NCAN: variants seen among roughly 807,000 people sequenced by gnomAD.
The protein encoded by NCAN is neurocan core protein.
In NCAN, 47 loss-of-function variants were observed where a neutral mutation model predicts 121.8. That is an observed-to-expected ratio of 0.39 (90% CI 0.31 to 0.49). The LOEUF is 0.49. Among genes scored for constraint, NCAN ranks in the 20% least tolerant of loss-of-function variants. The probability of loss-of-function intolerance (pLI) is 0.92; values close to 1 mark genes in which losing one functional copy is unlikely to be tolerated. For synonymous variants in NCAN, 633 were observed against 702.0 expected, an observed-to-expected ratio of 0.90 and a Z score of 1.55; for missense variants, 1,517 against 1,773.4, an observed-to-expected ratio of 0.86 and a Z score of 2.60.
Position 19,225,366 on chromosome 19 carries a change from G to GA in NCAN, c.1072+98dup. ...CGCCAAGCCAAGGGAGAGACACATG[G>GA]AAGCTCGCTTTGTGATAAGCCACAT... On this transcript the variant is annotated intron_variant, in intron 6 of 14. Coordinates refer to ENST00000252575, the MANE Select transcript of NCAN (RefSeq NM_004386.3). This position sits in a 1 kb window ranked among gnomAD's most constrained non-coding sequence, Gnocchi z 4.0. The GA allele has an allele frequency of 7.3e-7, 1 of 1,368,358 alleles. No homozygotes were observed. The highest frequency in any genetic ancestry group is 9.5e-7 in the Non-Finnish European group (1 of 1,055,038). The allele number at this position is 1,368,358 out of a possible 1,614,324, so 84.8% of individuals were successfully genotyped here.
rs966385383 is a variant in NCAN, at chr19:19,225,059, G to A, written c.861G>A (p.Leu287=). ...RAQCRRQGAA[L]ASVGQLHLAW... is the part of the protein sequence containing the mutation. ...AGTGCCGCCGCCAGGGTGCCGCGCT[G>A]GCCTCGGTGGGACAGCTGCACCTGG... The change falls in exon 6 of 15, where the codon CTG becomes CTA. Residue 287 remains leucine (L), a synonymous_variant. Transcript: ENST00000252575. This position sits in a 1 kb window ranked among gnomAD's most constrained non-coding sequence, Gnocchi z 4.0. 6.6e-7 allele frequency: 1 copy of A among 1,519,168 alleles called. No homozygotes were observed. The highest frequency in any genetic ancestry group is 8.8e-7 in the Non-Finnish European group (1 of 1,141,398). The allele number at this position is 1,519,168 out of a possible 1,614,324, so 94.1% of individuals were successfully genotyped here. A position where few individuals can be genotyped will look rare whatever the true frequency, so the allele number is the denominator to read the frequency against.
chr19:19,232,524 A>G (rs1434089023), intron 8 of NCAN, among the ~76,000 whole-genome samples: 1 of 152,226 alleles, frequency 6.6e-6, no homozygotes, highest in Non-Finnish European at 1.5e-5. Context: ...GGCCTCAGCT[A>G]CCGCAGGAGG....
intron 13 of NCAN, among the ~76,000 whole-genome samples, chr19:19,247,322 C>T (rs1380773404): frequency 2.0e-5 from 3 of 152,154 alleles, no homozygotes; most frequent in East Asian, 1.9e-4. Flanking sequence ...GGCGCAATCT[C>T]GGCTCACTAC....
intron 13 of NCAN, among the ~76,000 whole-genome samples, chr19:19,248,077 G>T (rs2060931540): frequency 6.6e-6 from 1 of 152,146 alleles, no homozygotes; most frequent in Admixed American, 6.5e-5. Context: ...GAGCCTGGGA[G>T]GTTGAGGCTG....
In NCAN at chr19:19,228,642, G is replaced by T; in HGVS notation, c.3019+3G>T. 6.2e-7 allele frequency: 1 copy of T among 1,605,052 alleles called. No homozygotes were observed. The highest frequency in any genetic ancestry group is 1.1e-5 in the South Asian group (1 of 90,366). On this transcript the variant is annotated splice_donor_region_variant and intron_variant, in intron 8 of 14. Transcript: ENST00000252575. ...TATGAATGCAGGTGCGGAGGAGGGT[G>T]AGTACAAAGTCCCGGGGCTCTGTCC... is the stretch of plus-strand genomic sequence containing the variant.
At chr19:19,249,056 T>C in intron 14 of NCAN, 174 bp downstream of exon 14, 1 of 564,424 alleles carries the variant, frequency 1.8e-6, no homozygotes. Context: ...TGTGTGTGTG[T>C]GTGTGTGTGT....
chr19:19,232,590 C>G (rs2060864457), intron 8 of NCAN, among the ~76,000 whole-genome samples: 1 of 152,244 alleles, frequency 6.6e-6, no homozygotes, highest in Admixed American at 6.5e-5. Context: ...TATTCTGTCC[C>G]AGACCATATG....
At chr19:19,240,902 G>C (rs1455755871) in intron 12 of NCAN, among the ~76,000 whole-genome samples, 1 of 152,198 alleles carries the variant, frequency 6.6e-6, no homozygotes, top group African/African-American at 2.4e-5. Flanking sequence ...CGAAGCTGCA[G>C]AGGTTACAAA....
intron 8 of NCAN, among the ~76,000 whole-genome samples, chr19:19,230,869 A>G (rs1173621803): frequency 1.4e-5 from 2 of 142,952 alleles, no homozygotes; most frequent in South Asian, 2.3e-4. Flanking sequence ...CAGGCATGCA[A>G]CCACCACACC....
chr19:19,233,117 A>C (rs2060866900), intron 8 of NCAN, among the ~76,000 whole-genome samples: 1 of 152,114 alleles, frequency 6.6e-6, no homozygotes, highest in Non-Finnish European at 1.5e-5. Context: ...TATTTTTAGT[A>C]GAGATGGGGT....
At chr19:19,238,922 A>T (rs1158181187) in intron 11 of NCAN, 1 of 182,132 alleles carries the variant, frequency 5.5e-6, no homozygotes, top group Non-Finnish European at 1.2e-5. Flanking sequence ...GGACTTATTG[A>T]TTTATTCATT....
rs780991995 is a variant in NCAN at position 19,228,512 on chromosome 19, G to A, written c.2892G>A (p.Leu964=). Residue 964 remains leucine (L), a synonymous_variant, in exon 8 of 15, where the codon CTG becomes CTA. Transcript: ENST00000252575. ...CCAGCACCCTGCTGCCTGTCACCCTGGGCATAGAGGACTTCGAACTGGAGG... is the reference window on the plus strand; with the variant it reads ...CCAGCACCCTGCTGCCTGTCACCCTAGGCATAGAGGACTTCGAACTGGAGG... ...DPSSTLLPVT[L]GIEDFELEVL... is the part of the protein sequence containing the mutation. 6.2e-7 allele frequency: 1 copy of A among 1,613,460 alleles called. No individual in the cohort carries two copies. Among genetic ancestry groups the A allele is most frequent in the Admixed American group, 1.7e-5 (1 of 60,028 alleles).
At chr19:19,247,750 G>A (rs1282068410) in intron 13 of NCAN, among the ~76,000 whole-genome samples, 1 of 152,164 alleles carries the variant, frequency 6.6e-6, no homozygotes, top group Non-Finnish European at 1.5e-5. Flanking sequence ...TGTGCCCTAT[G>A]TTTGGTGTAA....
intron 2 of NCAN, 88 bp downstream of exon 2, chr19:19,217,114 G>T: frequency 1.0e-6 from 1 of 960,354 alleles, no homozygotes. Context: ...TTCTCCTGCT[G>T]GTCTCCTGGC....
Position 19,227,461 on chromosome 19 carries a change from C to T in NCAN, c.1841C>T (p.Pro614Leu), listed in dbSNP as rs983682959. Reference protein sequence around the residue: ...WSPLEATVSAPSPAPWEAFPV... With the variant: ...WSPLEATVSALSPAPWEAFPV... ...CCCTTGGAGGCCACTGTCTCAGCTC[C>T]CAGCCCTGCCCCCTGGGAGGCATTC... is the stretch of plus-strand genomic sequence containing the variant. Residue 614 changes from proline (P) to leucine (L), a missense_variant, in exon 8 of 15, where the codon CCC becomes CTC. Coordinates refer to ENST00000252575, the MANE Select transcript of NCAN (RefSeq NM_004386.3). This position sits in a 1 kb window ranked among gnomAD's most constrained non-coding sequence, Gnocchi z 4.2. 4 of 1,613,502 alleles carry T rather than the reference C, an allele frequency of 2.5e-6. No individual in the cohort carries two copies. Among genetic ancestry groups the T allele is most frequent in the African/African-American group, 1.3e-5 (1 of 74,878 alleles).
chr19:19,215,994 T>A (rs574733602), intron 1 of NCAN, among the ~76,000 whole-genome samples: 8 of 152,298 alleles, frequency 5.3e-5, no homozygotes, highest in Non-Finnish European at 1.2e-4. Flanking sequence ...CCTGATGTTA[T>A]CCCCATCTGA....
intron 3 of NCAN, among the ~76,000 whole-genome samples, chr19:19,222,734 C>CTG (rs1245988947): frequency 3.3e-5 from 5 of 152,198 alleles, no homozygotes; most frequent in African/African-American, 9.6e-5. Flanking sequence ...CACAGTGAGC[C>CTG]TGTTACCAGG....
In NCAN at chr19:19,212,261, T is replaced by C. The variant is rs2060777995; in HGVS notation, c.-8+197T>C. Among the ~76,000 whole-genome samples the C allele has an allele frequency of 6.9e-6, 1 of 145,330 alleles. No homozygotes were observed. Among genetic ancestry groups the C allele is most frequent in the African/African-American group, 2.6e-5 (1 of 38,532 alleles). On this transcript the variant is annotated intron_variant, in intron 1 of 14. Transcript: ENST00000252575. This position sits in a 1 kb window ranked among gnomAD's most constrained non-coding sequence, Gnocchi z 4.5. ...TTGGGAATGCTAGGTGAACAGACAT[T>C]TGGGGAGGAAGGTTGTCCGCGGAAT...
Position 19,227,370 on chromosome 19 carries a change from G to C in NCAN, c.1750G>C (p.Val584Leu). 1 of 1,613,562 alleles carries C rather than the reference G, an allele frequency of 6.2e-7. No homozygotes were observed. Among genetic ancestry groups the C allele is most frequent in the South Asian group, 1.1e-5 (1 of 91,058 alleles). Residue 584 changes from valine (V) to leucine (L), a missense_variant, in exon 8 of 15, where the codon GTC becomes CTC. Physicochemically the swap from Val to Leu is conservative, Grantham distance 32 (BLOSUM62 1). Coordinates refer to ENST00000252575, the MANE Select transcript of NCAN (RefSeq NM_004386.3). The surrounding 1 kb of genome is among the most constrained non-coding windows in gnomAD (Gnocchi z 4.2). Reference protein sequence around the residue: ...PSISGHSRAPVLELEKAEGPS... With the variant: ...PSISGHSRAPLLELEKAEGPS... The stretch of plus-strand genomic sequence containing the variant: ...CATCTCAGGCCACAGCAGGGCCCCT[G>C]TCCTGGAGCTAGAGAAAGCCGAGGG...
Sources: allele counts gnomAD v4.1 joint callset (sites outside exome capture counted in the v4.1 genomes callset), GRCh38; gene constraint gnomAD v4.1.1; non-coding constraint Gnocchi (gnomAD v3.1); transcripts MANE v1.5; gene names NCBI Gene and HGNC (gene_info 2026-07-23, HGNC 2026-07-21).